NTRK3: variants seen among roughly 807,000 people sequenced by gnomAD.
NTRK3 encodes the protein neurotrophic receptor tyrosine kinase 3.
In NTRK3, 24 loss-of-function variants were observed where a neutral mutation model predicts 91.7. The ratio of observed to expected loss-of-function variants is 0.26; its 90% CI spans 0.19 to 0.37. The LOEUF (loss-of-function observed/expected upper bound fraction) is 0.37. Ranked by LOEUF, NTRK3 falls within the 10% of genes least tolerant of loss-of-function variation. The pLI, the probability that NTRK3 is intolerant of heterozygous loss-of-function variation, is 1.00. For synonymous variants in NTRK3, 483 were observed against 404.0 expected, an observed-to-expected ratio of 1.20 and a Z score of -2.34; for missense variants, 880 against 1,068.9, an observed-to-expected ratio of 0.82 and a Z score of 2.46.
chr15:88,094,839 C>T lies in NTRK3; in HGVS notation c.1396+31432G>A, dbSNP rs574727005. Among the ~76,000 whole-genome samples the T allele has an allele frequency of 3.0e-4, 46 of 152,328 alleles. No individual in the cohort carries two copies. In the South Asian group the frequency reaches 3.5e-3, roughly 12 times the overall value. On this transcript the variant is annotated intron_variant, in intron 13 of 18. Coordinates refer to ENST00000394480, the Ensembl canonical transcript of NTRK3. ...GTGGGAAGAATATGGCTCAGTGTTT[C>T]CTGTTGCTGTCAATTATTATTATTG...
intron 13 of NTRK3, among the ~76,000 whole-genome samples, chr15:88,109,147 C>G (rs915075250): frequency 3.3e-5 from 5 of 152,216 alleles, no homozygotes; most frequent in African/African-American, 1.2e-4. Flanking sequence ...GCAAACAGCA[C>G]CACCGCGCAA....
At chr15:87,879,776 T>G (rs2065141798) in intron 18 of NTRK3, among the ~76,000 whole-genome samples, 1 of 152,102 alleles carries the variant, frequency 6.6e-6, no homozygotes, top group Admixed American at 6.5e-5. Flanking sequence ...AGTAATAAAA[T>G]AAACACGGTT....
chr15:88,156,761 T>C (rs1040272669), intron 5 of NTRK3, among the ~76,000 whole-genome samples: 1 of 152,232 alleles, frequency 6.6e-6, no homozygotes, highest in African/African-American at 2.4e-5. Context: ...CAGCTGTGCC[T>C]GTGTTGGCCT....
chr15:87,963,443 C>A (rs1005976940), intron 14 of NTRK3, among the ~76,000 whole-genome samples: 17 of 152,204 alleles, frequency 1.1e-4, no homozygotes, highest in African/African-American at 3.9e-4. Flanking sequence ...ATCTCATTCT[C>A]ATATATGGAC....
chr15:88,020,776 G>A (rs1437118544), intron 14 of NTRK3, among the ~76,000 whole-genome samples: 3 of 152,120 alleles, frequency 2.0e-5, no homozygotes, highest in African/African-American at 7.2e-5. Flanking sequence ...CCACTCTCAT[G>A]TCACTTTTGT....
At chr15:88,172,408 G>C (rs2045603696) in intron 5 of NTRK3, among the ~76,000 whole-genome samples, 1 of 152,170 alleles carries the variant, frequency 6.6e-6, no homozygotes, top group East Asian at 1.9e-4. Flanking sequence ...GGGGAAAAAA[G>C]AGAAGAAAAT....
At chr15:88,075,279 ATCTGCAT>A (rs2047438683) in intron 13 of NTRK3, among the ~76,000 whole-genome samples, 1 of 152,218 alleles carries the variant, frequency 6.6e-6, no homozygotes, top group African/African-American at 2.4e-5. Context: ...CAACAACTCT[ATCTGCAT>A]GACGTCAGCC....
At chr15:88,020,293 C>T (rs1275286765) in intron 14 of NTRK3, among the ~76,000 whole-genome samples, 1 of 152,160 alleles carries the variant, frequency 6.6e-6, no homozygotes, top group Non-Finnish European at 1.5e-5. Context: ...GTCTCATTAA[C>T]CCAAAAGGAA....
chr15:87,881,856 GAGGTAAATTATAATACAAGTTT>G (rs1232085748), intron 17 of NTRK3, among the ~76,000 whole-genome samples: 1 of 152,086 alleles, frequency 6.6e-6, no homozygotes, highest in African/African-American at 2.4e-5. Flanking sequence ...AGAATTTTAG[GAGGTAAATTATAATACAAGTTT>G]GCAGAGCAGT....
At chr15:88,026,658 G>C (rs1213771884) in intron 14 of NTRK3, among the ~76,000 whole-genome samples, 2 of 152,172 alleles carry the variant, frequency 1.3e-5, no homozygotes, top group East Asian at 1.9e-4. Context: ...TGTATCAATA[G>C]TGGTTCACCA....
intron 13 of NTRK3, among the ~76,000 whole-genome samples, chr15:88,048,941 T>C (rs16941164): frequency 0.016 from 2,462 of 152,266 alleles, 73 homozygotes; most frequent in African/African-American, 0.057. Flanking sequence ...AGGCTTCAAG[T>C]TCCTCCTGTA....
chr15:88,177,678 G>T (rs1208422953), intron 5 of NTRK3, among the ~76,000 whole-genome samples: 2 of 152,180 alleles, frequency 1.3e-5, no homozygotes, highest in African/African-American at 4.8e-5. Context: ...CATGACTGGG[G>T]CATGCAAGTA....
At chr15:88,207,190 G>A (rs1156651951) in intron 3 of NTRK3, among the ~76,000 whole-genome samples, 1 of 152,202 alleles carries the variant, frequency 6.6e-6, no homozygotes, top group Non-Finnish European at 1.5e-5. Context: ...CTGGTTTCAT[G>A]AGAAGGTGAT....
intron 10 of NTRK3, among the ~76,000 whole-genome samples, chr15:88,130,188 T>G (rs138061671): frequency 6.6e-6 from 1 of 152,244 alleles, no homozygotes; most frequent in East Asian, 1.9e-4. Context: ...AACGAATACA[T>G]GAATTACCAG....
chr15:87,997,914 T>C (rs2141584604), intron 14 of NTRK3, among the ~76,000 whole-genome samples: 1 of 152,288 alleles, frequency 6.6e-6, no homozygotes, highest in Non-Finnish European at 1.5e-5. Context: ...TCACTGTCTT[T>C]CCAAGTTTCA....
Position 88,104,838 on chromosome 15 carries a change from G to T in NTRK3, c.1396+21433C>A, listed in dbSNP as rs577144388. ...GGGGACAAGTTATACACCTGCAAGG[G>T]CTAAGAGGCCAGAGTCAAGGAGTTA... On this transcript the variant is annotated intron_variant, in intron 13 of 18. Transcript: ENST00000394480. 1.2e-4 allele frequency among the ~76,000 whole-genome samples: 18 copies of T among 152,300 alleles called. No individual in the cohort carries two copies. The South Asian group carries it at 1.2e-3, about 11-fold the overall frequency.
chr15:87,947,476 A>G (rs548914540), intron 14 of NTRK3, among the ~76,000 whole-genome samples: 2 of 152,252 alleles, frequency 1.3e-5, no homozygotes, highest in South Asian at 4.1e-4. Flanking sequence ...CCTGGAACCT[A>G]TTCTTCCTAC....
intron 13 of NTRK3, among the ~76,000 whole-genome samples, chr15:88,084,680 T>G (rs2048343375): frequency 6.6e-6 from 1 of 152,168 alleles, no homozygotes; most frequent in Admixed American, 6.5e-5. Flanking sequence ...CCTCTGCAGC[T>G]GCACTGCACA....
At chr15:88,049,606 T>A (rs1161805436) in intron 13 of NTRK3, among the ~76,000 whole-genome samples, 2 of 152,196 alleles carry the variant, frequency 1.3e-5, no homozygotes, top group African/African-American at 4.8e-5. Context: ...ATGTCAACCC[T>A]GGCCAAGAGG....
Sources: gnomAD v4.1 joint callset for allele counts (sites outside exome capture counted in the v4.1 genomes callset) on GRCh38, gnomAD v4.1.1 for gene constraint, MANE v1.5 for transcripts, NCBI Gene and HGNC (gene_info 2026-07-23, HGNC 2026-07-21) for gene names.